Variants in FRMD4A observed in about 807,000 individuals in gnomAD.
FRMD4A encodes the protein FERM domain containing 4A, also known as FERM domain-containing protein 4A.
A neutral mutation model predicts 129.1 loss-of-function variants in FRMD4A; 29 were observed. The ratio of observed to expected loss-of-function variants is 0.22; its 90% CI spans 0.17 to 0.31. FRMD4A has a LOEUF of 0.31. Ranked by LOEUF, FRMD4A falls within the 10% of genes least tolerant of loss-of-function variation. The probability of loss-of-function intolerance (pLI) is 1.00; values close to 1 mark genes in which losing one functional copy is unlikely to be tolerated. For synonymous variants in FRMD4A, 634 were observed against 571.6 expected (o/e 1.11, Z -1.56); for missense variants, 1,272 against 1,375.8 (o/e 0.92, Z 1.19).
intron 2 of FRMD4A, among the ~76,000 whole-genome samples, chr10:14,044,420 T>C (rs1466961183): frequency 1.3e-5 from 2 of 152,132 alleles, no homozygotes; most frequent in African/African-American, 4.8e-5. Flanking sequence ...TGGAAATAGG[T>C]TCTTTGTACA....
At chr10:13,932,486 G>T (rs2095209827) in intron 2 of FRMD4A, among the ~76,000 whole-genome samples, 1 of 152,140 alleles carries the variant, frequency 6.6e-6, no homozygotes, top group African/African-American at 2.4e-5. Flanking sequence ...TGAGGAGAAG[G>T]CGGGGCAGTC....
chr10:14,156,113 T>TA (rs922535370), intron 2 of FRMD4A, among the ~76,000 whole-genome samples: 4 of 152,082 alleles, frequency 2.6e-5, no homozygotes, highest in African/African-American at 7.2e-5. Context: ...TTGTAATGGT[T>TA]AAAAAAATGG....
At chr10:13,777,305 C>T (rs1487738282) in intron 6 of FRMD4A, among the ~76,000 whole-genome samples, 1 of 152,192 alleles carries the variant, frequency 6.6e-6, no homozygotes, top group Admixed American at 6.5e-5. Flanking sequence ...CTCCATCTCA[C>T]GCAGAGATGC....
At chr10:14,004,974 TCTCTC>T (rs924377870) in intron 2 of FRMD4A, among the ~76,000 whole-genome samples, 13 of 152,050 alleles carry the variant, frequency 8.5e-5, no homozygotes, top group African/African-American at 2.7e-4. Context: ...ACAGGCCTAA[TCTCTC>T]CTCCCATACC....
chr10:14,075,031 T>G (rs759887491), intron 2 of FRMD4A, among the ~76,000 whole-genome samples: 12 of 142,312 alleles, frequency 8.4e-5, no homozygotes, highest in Non-Finnish European at 1.4e-4. Flanking sequence ...GATGTCCTTA[T>G]GAATTAAAAA....
intron 2 of FRMD4A, among the ~76,000 whole-genome samples, chr10:14,318,355 G>A (rs1438247246): frequency 6.7e-6 from 1 of 148,704 alleles, no homozygotes; most frequent in African/African-American, 2.5e-5. Flanking sequence ...TGACACATGG[G>A]CAATAAAGAC....
chr10:13,892,498 G>T (rs1204188378), intron 2 of FRMD4A, among the ~76,000 whole-genome samples: 1 of 152,124 alleles, frequency 6.6e-6, no homozygotes, highest in Non-Finnish European at 1.5e-5. Context: ...ACTCTGGGAA[G>T]ATTCCCCACC....
intron 2 of FRMD4A, among the ~76,000 whole-genome samples, chr10:14,198,224 A>G (rs944449902): frequency 6.6e-6 from 1 of 152,184 alleles, no homozygotes; most frequent in African/African-American, 2.4e-5. Flanking sequence ...TAAGGAACAG[A>G]TCTCCTCAAG....
chr10:14,247,890 C>G (rs944945297), intron 2 of FRMD4A, among the ~76,000 whole-genome samples: 3 of 151,962 alleles, frequency 2.0e-5, no homozygotes, highest in Non-Finnish European at 4.4e-5. Context: ...CTCTGTTGGA[C>G]CTTCACACGA....
chr10:13,818,664 TCA>T (rs1411029638), intron 3 of FRMD4A, among the ~76,000 whole-genome samples: 2 of 152,222 alleles, frequency 1.3e-5, no homozygotes, highest in African/African-American at 4.8e-5. Context: ...TCTCTGTGCC[TCA>T]GTTTCCTCTC....
intron 6 of FRMD4A, among the ~76,000 whole-genome samples, chr10:13,781,029 G>C (rs958103595): frequency 6.6e-6 from 1 of 152,172 alleles, no homozygotes; most frequent in African/African-American, 2.4e-5. Context: ...GCAGCCAAGC[G>C]TGGTGGCCCA....
intron 2 of FRMD4A, among the ~76,000 whole-genome samples, chr10:13,894,409 C>T (rs1464203274): frequency 2.6e-5 from 4 of 152,174 alleles, no homozygotes; most frequent in African/African-American, 9.7e-5. Context: ...TCTTTTGCCA[C>T]CCAGCCCCAC....
At chr10:14,065,509 T>A (rs1051875948) in intron 2 of FRMD4A, among the ~76,000 whole-genome samples, 2 of 152,102 alleles carry the variant, frequency 1.3e-5, no homozygotes, top group Non-Finnish European at 2.9e-5. Context: ...GTCTTTCCAG[T>A]TCTCCTTTGA....
At chr10:14,204,760 T>C (rs142526236) in intron 2 of FRMD4A, among the ~76,000 whole-genome samples, 12 of 152,214 alleles carry the variant, frequency 7.9e-5, no homozygotes, top group Non-Finnish European at 1.8e-4. Flanking sequence ...TTCAAGCATC[T>C]CCCTCACATC....
At chr10:13,812,577 C>T (rs994385192) in intron 3 of FRMD4A, among the ~76,000 whole-genome samples, 1 of 152,186 alleles carries the variant, frequency 6.6e-6, no homozygotes, top group African/African-American at 2.4e-5. Flanking sequence ...CCCATAGGGA[C>T]CTTAGACTTT....
chr10:14,189,999 T>C (rs1842267901), intron 2 of FRMD4A, among the ~76,000 whole-genome samples: 1 of 152,204 alleles, frequency 6.6e-6, no homozygotes, highest in African/African-American at 2.4e-5. Context: ...TTGATACCTC[T>C]AATACATAAG....
rs1214116512 is a variant in FRMD4A at position 14,129,666 on chromosome 10, G to A, written c.45+200392C>T. Among the ~76,000 whole-genome samples the A allele has an allele frequency of 2.0e-5, 3 of 151,916 alleles. No individual in the cohort carries two copies. The East Asian group carries it at 5.8e-4, about 29-fold the overall frequency. ...ATGCCTGTCAGTGGAGTCTTGCATG[G>A]GTCGCCTTGGGTAATTAGTTCTGTG... On this transcript the variant is annotated intron_variant, in intron 2 of 24. Coordinates refer to ENST00000357447, the MANE Select transcript of FRMD4A (RefSeq NM_018027.5).
chr10:14,258,246 T>C (rs1844683110), intron 2 of FRMD4A, among the ~76,000 whole-genome samples: 2 of 150,962 alleles, frequency 1.3e-5, no homozygotes, highest in African/African-American at 4.9e-5. Context: ...TTATTTATTA[T>C]ATTACATAAT....
At chr10:14,212,935 G>A (rs1475592298) in intron 2 of FRMD4A, among the ~76,000 whole-genome samples, 1 of 152,180 alleles carries the variant, frequency 6.6e-6, no homozygotes, top group East Asian at 1.9e-4. Context: ...ACCACATGCT[G>A]GGTTCAGAAA....
Sources: gnomAD v4.1 joint callset for allele counts (sites outside exome capture counted in the v4.1 genomes callset) on GRCh38, gnomAD v4.1.1 for gene constraint, MANE v1.5 for transcripts, NCBI Gene and HGNC (gene_info 2026-07-23, HGNC 2026-07-21) for gene names.